The following SLC25A39 variants were observed in gnomAD, a reference collection of about 807,000 sequenced individuals.
SLC25A39 encodes solute carrier family 25 member 39.
Under a neutral mutation model 46.6 loss-of-function variants are expected in SLC25A39, and 44 were observed. The observed-to-expected ratio is 0.94, with a 90% confidence interval of 0.74 to 1.21. The LOEUF is 1.21. SLC25A39 is among the 50% of genes most tolerant of loss of function. The pLI, the probability that SLC25A39 is intolerant of heterozygous loss-of-function variation, is 0.00. For missense variants in SLC25A39, 487 were observed against 473.0 expected, an observed-to-expected ratio of 1.03 and a Z score of -0.28; for synonymous variants, 218 against 190.6, an observed-to-expected ratio of 1.14 and a Z score of -1.19.
Position 44,319,746 on chromosome 17 carries a change from G to A in SLC25A39, c.*255C>T, listed in dbSNP as rs183692331. 9.8e-6 allele frequency: 5 copies of A among 508,904 alleles called. No individual in the cohort carries two copies. Among genetic ancestry groups the A allele is most frequent in the Non-Finnish European group, 1.8e-5 (5 of 279,486 alleles). 31.5% of individuals were successfully genotyped at this position (508,904 alleles called of 1,614,324 possible). ...ACAGCAAACACAGGGAAACACGAAGGGGGCAGCTGGAAGATTTGGTCTTGA... is the reference window on the plus strand; with the variant it reads ...ACAGCAAACACAGGGAAACACGAAGAGGGCAGCTGGAAGATTTGGTCTTGA... On this transcript the variant is annotated 3_prime_UTR_variant, in exon 12 of 12. Coordinates refer to ENST00000377095, the MANE Select transcript of SLC25A39 (RefSeq NM_001143780.3).
intron 9 of SLC25A39, 42 bp from the exon 10 acceptor site, chr17:44,320,478 G>A: frequency 6.2e-7 from 1 of 1,607,762 alleles, no homozygotes; most frequent in Non-Finnish European, 8.5e-7. Context: ...CCACTTCCTG[G>A]ACCCCCACCC....
intron 7 of SLC25A39, 91 bp from the exon 8 acceptor site, chr17:44,321,322 A>G (rs774750192): frequency 2.5e-6 from 4 of 1,584,000 alleles, no homozygotes; most frequent in Non-Finnish European, 3.4e-6. Context: ...CTGGGGACCT[A>G]GAACACCCCC....
Position 44,321,732 on chromosome 17 carries a change from G to A in SLC25A39, c.360C>T (p.Thr120=), listed in dbSNP as rs749690127. 2 of 1,612,504 alleles carry A rather than the reference G, an allele frequency of 1.2e-6. No homozygotes were observed. The highest frequency in any genetic ancestry group is 2.7e-5 in the African/African-American group (2 of 74,922). Residue 120 remains threonine (T), a synonymous_variant, in exon 6 of 12, where the codon ACC becomes ACT. Coordinates refer to ENST00000377095, the MANE Select transcript of SLC25A39 (RefSeq NM_001143780.3). ...CGGGGAGGCCGCTCCAGAGGGTCCT[G>A]GTGCCCTCGTGCCTCACGATCTTCA... ...AFVKIVRHEG[T]RTLWSGLPAT... is the part of the protein sequence containing the mutation.
chr17:44,321,221 C>T lies in SLC25A39; in HGVS notation c.528G>A (p.Val176=), dbSNP rs1289313474. The T allele has an allele frequency of 6.2e-7, 1 of 1,606,520 alleles. No individual in the cohort carries two copies. Among genetic ancestry groups the T allele is most frequent in the East Asian group, 2.2e-5 (1 of 44,854 alleles). ...VAGALARLGT[V]TVISPLELMR... is the part of the protein sequence containing the mutation. ...TAAGCTCCAGGGGGCTGATCACAGT[C>T]ACGGTGCCCACTGTGTGGGGATTGG... The change falls in exon 8 of 12, where the codon GTG becomes GTA. Residue 176 remains valine (V), a synonymous_variant. Transcript: ENST00000377095.
chr17:44,320,570 GC>G lies in SLC25A39; in HGVS notation c.801+51del, dbSNP rs1002967668. The G allele has an allele frequency of 2.5e-5, 39 of 1,586,100 alleles. No individual in the cohort carries two copies. The Admixed American group carries it at 3.7e-4, about 15-fold the overall frequency. Reference sequence around the variant, plus strand: ...TCTGGGCATCTCCAAAAATCCTCAGGCCCCCCGCAGGGAGACCTCCGCTGGC... The same window carrying G: ...TCTGGGCATCTCCAAAAATCCTCAGGCCCCCGCAGGGAGACCTCCGCTGGC... On this transcript the variant is annotated intron_variant, in intron 9 of 11. Coordinates refer to ENST00000377095, the MANE Select transcript of SLC25A39 (RefSeq NM_001143780.3).
intron 3 of SLC25A39, 50 bp from the exon 4 acceptor site, chr17:44,322,902 G>C (rs754456612): frequency 2.6e-5 from 41 of 1,589,282 alleles, no homozygotes; most frequent in Non-Finnish European, 3.5e-5. Context: ...ACCCGCCCTA[G>C]GGACCCCATC....
chr17:44,323,450 C>T (rs766113946), intron 2 of SLC25A39, 28 bp downstream of exon 2: 6 of 1,443,148 alleles, frequency 4.2e-6, no homozygotes, highest in South Asian at 1.3e-5. Context: ...TCCCCACCCG[C>T]CCCCACCCCA....
chr17:44,323,439 A>AAACCCCCCCCCCCC, intron 2 of SLC25A39, 39 bp downstream of exon 2: 56 of 256,908 alleles, frequency 2.2e-4, no homozygotes, highest in Non-Finnish European at 2.7e-4. Flanking sequence ...GGTCTGCCCC[A>AAACCCCCCCCCCCC]TCCCCACCCG....
At chr17:44,322,906 C>T (rs951598106) in intron 3 of SLC25A39, 54 bp from the exon 4 acceptor site, 42 of 1,580,210 alleles carry the variant, frequency 2.7e-5, no homozygotes, top group Non-Finnish European at 3.5e-5. Context: ...GCCCTAGGGA[C>T]CCCATCTCTG....
At chr17:44,322,182 G>T (rs1489696404) in intron 5 of SLC25A39, among the ~76,000 whole-genome samples, 1 of 152,208 alleles carries the variant, frequency 6.6e-6, no homozygotes, top group African/African-American at 2.4e-5. Context: ...CCAGGAGACA[G>T]AGGTTGCAGT....
intron 2 of SLC25A39, 33 bp downstream of exon 2, chr17:44,323,445 A>ACCC: frequency 4.2e-5 from 14 of 333,750 alleles, no homozygotes; most frequent in Middle Eastern, 1.1e-3. Flanking sequence ...CCCCATCCCC[A>ACCC]CCCGCCCCCA....
chr17:44,323,439 A>AGCCCCCCCCCCCC, intron 2 of SLC25A39, 39 bp downstream of exon 2: 10 of 256,962 alleles, frequency 3.9e-5, no homozygotes, highest in African/African-American at 7.1e-5. Flanking sequence ...GGTCTGCCCC[A>AGCCCCCCCCCCCC]TCCCCACCCG....
Position 44,324,150 on chromosome 17 carries a change from G to A in SLC25A39, c.-16+561C>T, listed in dbSNP as rs78586410. The A allele has an allele frequency of 4.2e-3, 653 of 154,014 alleles. 15 individuals carry two copies. In the East Asian group the frequency reaches 0.05, roughly 12 times the overall value. 9.5% of individuals were successfully genotyped at this position (154,014 alleles called of 1,614,324 possible). Reference sequence around the variant, plus strand: ...CAGACCTATCGCTCGAATGCAGTAGGAGCCAGGGTCCTTCCCTCGTCCACC... The same window carrying A: ...CAGACCTATCGCTCGAATGCAGTAGAAGCCAGGGTCCTTCCCTCGTCCACC... On this transcript the variant is annotated intron_variant, in intron 1 of 11. Transcript: ENST00000377095.
chr17:44,322,300 G>T, intron 5 of SLC25A39, 119 bp downstream of exon 5: 2 of 1,121,264 alleles, frequency 1.8e-6, no homozygotes, highest in African/African-American at 1.5e-5. Flanking sequence ...AGCACTTCCT[G>T]ACGGAACCGG....
rs373609811 is a variant in SLC25A39, at chr17:44,320,122, G to A, written c.965-6C>T. On this transcript the variant is annotated splice_region_variant and splice_polypyrimidine_tract_variant and intron_variant, in intron 11 of 11. Coordinates refer to ENST00000377095, the MANE Select transcript of SLC25A39 (RefSeq NM_001143780.3). ...GATGATCCGAGGAAGGAAGCCTGCA[G>A]TGGAAAGGAGGCCCGTGTCAGGGGT... The A allele has an allele frequency of 3.7e-6, 6 of 1,613,906 alleles. No individual in the cohort carries two copies. The African/African-American group carries it at 5.3e-5, about 14-fold the overall frequency.
At chr17:44,322,780 C>T (rs1486692711) in intron 4 of SLC25A39, 28 bp downstream of exon 4, 1 of 1,613,806 alleles carries the variant, frequency 6.2e-7, no homozygotes, top group Non-Finnish European at 8.5e-7. Context: ...TGCACCCTCC[C>T]ATGCTCCCTG....
chr17:44,321,547 A>G lies in SLC25A39; in HGVS notation c.404T>C (p.Val135Ala), dbSNP rs765482481. ...AGTGAAGTAGATGGCGGTAGCTGGC[A>G]CAGTCATCACCCTGGGGATACAGAG... ...SGLPATLVMT[V>A]PATAIYFTAY... is the part of the protein sequence containing the mutation. Residue 135 changes from valine (V) to alanine (A), a missense_variant, in exon 7 of 12, where the codon GTG (valine) becomes GCG (alanine). Coordinates refer to ENST00000377095, the MANE Select transcript of SLC25A39 (RefSeq NM_001143780.3). The G allele has an allele frequency of 3.2e-5, 52 of 1,613,938 alleles. No individual in the cohort carries two copies. Among genetic ancestry groups the G allele is most frequent in the Non-Finnish European group, 4.1e-5 (48 of 1,179,996 alleles).
intron 8 of SLC25A39, 111 bp from the exon 9 acceptor site, chr17:44,320,842 A>G: frequency 9.8e-7 from 1 of 1,018,430 alleles, no homozygotes; most frequent in South Asian, 1.5e-5. Flanking sequence ...TGTCTGCTAC[A>G]TGCAGGCTCA....
rs768905639 is a variant in SLC25A39, at chr17:44,321,176, A to T, written c.573T>A (p.Ala191=). 1 of 1,613,092 alleles carries T rather than the reference A, an allele frequency of 6.2e-7. No individual in the cohort carries two copies. The highest frequency in any genetic ancestry group is 8.5e-7 in the Non-Finnish European group (1 of 1,179,924). Residue 191 remains alanine (A), a synonymous_variant, in exon 8 of 12, where the codon GCT becomes GCA. Transcript: ENST00000377095. ...CCAGCTCCCGGTACGACACATGCTG[A>T]GCCTGCAGCTTTGTCCGCATAAGCT... The part of the protein sequence containing the change: ...PLELMRTKLQ[A]QHVSYRELGA...
Sources: gnomAD v4.1 joint callset for allele counts (sites outside exome capture counted in the v4.1 genomes callset) on GRCh38, gnomAD v4.1.1 for gene constraint, MANE v1.5 for transcripts, NCBI Gene and HGNC (gene_info 2026-07-23, HGNC 2026-07-21) for gene names.